Variants in MIR2052HG observed in about 807,000 individuals in gnomAD.
MIR2052HG encodes the protein MIR2052 host gene.
chr8:74,624,131 A>G (rs913075032), intron 2 of MIR2052HG, among the ~76,000 whole-genome samples: 4 of 152,210 alleles, frequency 2.6e-5, no homozygotes, highest in African/African-American at 7.2e-5. Flanking sequence ...GATAGAAATC[A>G]TGGAGATTTT....
chr8:74,645,104 T>G (rs1808677850), intron 2 of MIR2052HG, among the ~76,000 whole-genome samples: 1 of 152,100 alleles, frequency 6.6e-6, no homozygotes, highest in Admixed American at 6.5e-5. Flanking sequence ...TTTTATATTG[T>G]TTAGCTAAGT....
intron 1 of MIR2052HG, chr8:74,603,340 T>C (rs1808053813): frequency 5.6e-6 from 9 of 1,610,134 alleles, no homozygotes; most frequent in Admixed American, 5.0e-5. Flanking sequence ...ATTGATTAGA[T>C]ATTGAGCCAG....
At chr8:74,648,366 T>C (rs996496619) in intron 2 of MIR2052HG, among the ~76,000 whole-genome samples, 1 of 152,206 alleles carries the variant, frequency 6.6e-6, no homozygotes, top group African/African-American at 2.4e-5. Flanking sequence ...CTAGTCAGAA[T>C]GGTTGTCTGC....
intron 4 of MIR2052HG, among the ~76,000 whole-genome samples, chr8:74,742,661 C>T (rs1244330078): frequency 2.0e-5 from 3 of 152,186 alleles, no homozygotes; most frequent in Non-Finnish European, 4.4e-5. Flanking sequence ...CTTTAATCTA[C>T]TGTGGAAATG....
At chr8:74,666,724 C>T (rs1259451380) in intron 2 of MIR2052HG, among the ~76,000 whole-genome samples, 3 of 152,190 alleles carry the variant, frequency 2.0e-5, no homozygotes, top group Non-Finnish European at 4.4e-5. Flanking sequence ...TCCATGAAAA[C>T]TGCTAAAGAT....
chr8:74,732,176 T>TA (rs1003661253), intron 4 of MIR2052HG, among the ~76,000 whole-genome samples: 3 of 152,076 alleles, frequency 2.0e-5, no homozygotes, highest in African/African-American at 7.2e-5. Context: ...TAGCAAAAAT[T>TA]AAAAAATACA....
chr8:74,693,882 T>G (rs1279281575), intron 2 of MIR2052HG, among the ~76,000 whole-genome samples: 1 of 152,072 alleles, frequency 6.6e-6, no homozygotes, highest in Non-Finnish European at 1.5e-5. Context: ...CTATCTACCT[T>G]GGTAGCCAAA....
chr8:74,718,835 A>G (rs1402911605), intron 4 of MIR2052HG, among the ~76,000 whole-genome samples: 1 of 152,146 alleles, frequency 6.6e-6, no homozygotes, highest in Non-Finnish European at 1.5e-5. Flanking sequence ...CCTATTCATG[A>G]GGGATCCACC....
chr8:74,649,323 C>CTT, intron 2 of MIR2052HG, among the ~76,000 whole-genome samples: 1 of 151,878 alleles, frequency 6.6e-6, no homozygotes, highest in Non-Finnish European at 1.5e-5. Flanking sequence ...TCAGTTCCTT[C>CTT]GGTTTTGCAT....
intron 1 of MIR2052HG, among the ~76,000 whole-genome samples, chr8:74,602,881 T>TTTCTTTCC: frequency 3.2e-5 from 1 of 31,582 alleles, no homozygotes; most frequent in Admixed American, 2.5e-4. Flanking sequence ...TTCTTTTTTC[T>TTTCTTTCC]ATTCACAAAG....
At chr8:74,743,333 T>C (rs1180824753) in intron 4 of MIR2052HG, among the ~76,000 whole-genome samples, 1 of 152,150 alleles carries the variant, frequency 6.6e-6, no homozygotes, top group Non-Finnish European at 1.5e-5. Context: ...TATATGAGAA[T>C]AAAATTATTA....
chr8:74,624,943 G>A (rs1379929759), intron 2 of MIR2052HG, among the ~76,000 whole-genome samples: 3 of 152,176 alleles, frequency 2.0e-5, no homozygotes, highest in Non-Finnish European at 4.4e-5. Flanking sequence ...GTTGGACAGA[G>A]CACAGATGAG....
chr8:74,652,834 C>G (rs1808767223), intron 2 of MIR2052HG, among the ~76,000 whole-genome samples: 1 of 152,086 alleles, frequency 6.6e-6, no homozygotes, highest in Admixed American at 6.5e-5. Context: ...ATGGAGTGAG[C>G]AGAAGAAACT....
intron 2 of MIR2052HG, among the ~76,000 whole-genome samples, chr8:74,691,531 A>G (rs1809239415): frequency 6.6e-6 from 1 of 152,178 alleles, no homozygotes; most frequent in African/African-American, 2.4e-5. Flanking sequence ...TTCTGCAACT[A>G]GGGGCAATTC....
intron 2 of MIR2052HG, among the ~76,000 whole-genome samples, chr8:74,669,843 C>T (rs1808971453): frequency 1.3e-5 from 2 of 152,192 alleles, no homozygotes; most frequent in African/African-American, 4.8e-5. Context: ...ATCTTCTTTA[C>T]ACCACTCGTT....
intron 2 of MIR2052HG, among the ~76,000 whole-genome samples, chr8:74,685,124 A>G (rs1809166471): frequency 6.6e-6 from 1 of 152,124 alleles, no homozygotes. Context: ...ATAATATCTG[A>G]TATTTGACAT....
intron 2 of MIR2052HG, among the ~76,000 whole-genome samples, chr8:74,642,969 C>T (rs1385832762): frequency 6.6e-6 from 1 of 152,186 alleles, no homozygotes; most frequent in East Asian, 1.9e-4. Flanking sequence ...TAGCCAGATT[C>T]CCATGCATGG....
intron 4 of MIR2052HG, among the ~76,000 whole-genome samples, chr8:74,723,530 T>A (rs1256650415): frequency 6.6e-6 from 1 of 152,116 alleles, no homozygotes; most frequent in African/African-American, 2.4e-5. Context: ...CATCCTTATT[T>A]TTTTTTTTCC....
intron 4 of MIR2052HG, among the ~76,000 whole-genome samples, chr8:74,719,271 C>A (rs1809550546): frequency 1.3e-5 from 2 of 152,134 alleles, no homozygotes; most frequent in South Asian, 4.1e-4. Flanking sequence ...TGCATCCCCT[C>A]CAACACCCAC....
Sources: gnomAD v4.1 joint callset for allele counts (sites outside exome capture counted in the v4.1 genomes callset) on GRCh38, gnomAD v4.1.1 for gene constraint, MANE v1.5 for transcripts, NCBI Gene and HGNC (gene_info 2026-07-23, HGNC 2026-07-21) for gene names.